The following DOK5 variants were observed in gnomAD, a reference collection of about 807,000 sequenced individuals.
The protein encoded by DOK5 is docking protein 5, also known as downstream of tyrosine kinase 5.
A neutral mutation model predicts 43.3 loss-of-function variants in DOK5; 27 were observed. That is an observed-to-expected ratio of 0.62 (90% confidence interval 0.46 to 0.86). The LOEUF (loss-of-function observed/expected upper bound fraction) is 0.86, where lower values mean the gene tolerates loss of function less well. Ranked by LOEUF, DOK5 falls within the 40% of genes least tolerant of loss-of-function variation. The pLI, the probability that DOK5 is intolerant of heterozygous loss-of-function variation, is 0.00. For synonymous variants in DOK5, 146 were observed against 140.1 expected (o/e 1.04, Z -0.30); for missense variants, 373 against 392.9 (o/e 0.95, Z 0.43).
chr20:54,607,937 T>C (rs1286938932), intron 5 of DOK5, among the ~76,000 whole-genome samples: 2 of 151,108 alleles, frequency 1.3e-5, no homozygotes, highest in African/African-American at 4.9e-5. Context: ...AAAGTGGGCA[T>C]TGGGTAAGAG....
chr20:54,493,740 A>G (rs1030560016), intron 1 of DOK5, among the ~76,000 whole-genome samples: 1 of 151,878 alleles, frequency 6.6e-6, no homozygotes, highest in Non-Finnish European at 1.5e-5. Context: ...AGATTGAGAC[A>G]AACCTGGGCA....
In DOK5 at chr20:54,643,520, C is replaced by T. The variant is rs766271156; in HGVS notation, c.798C>T (p.Ser266=). 22 of 1,613,458 alleles carry T rather than the reference C, an allele frequency of 1.4e-5. No homozygotes were observed. The highest frequency in any genetic ancestry group is 3.3e-5 in the South Asian group (3 of 91,092). The change falls in exon 7 of 8, where the codon AGC becomes AGT. Residue 266 remains serine, a synonymous_variant. Transcript: ENST00000262593. ...GCACCATGGTGCCCCTGCCTCGCAGCGCCTACTGGCAGCACATCACACGGC... is the reference window on the plus strand; with the variant it reads ...GCACCATGGTGCCCCTGCCTCGCAGTGCCTACTGGCAGCACATCACACGGC... ...SLSTMVPLPR[S]AYWQHITRQH... is the part of the protein sequence containing the mutation.
intron 5 of DOK5, among the ~76,000 whole-genome samples, chr20:54,607,894 AACAAAACAAAAC>A (rs112039121): frequency 0.34 from 51,552 of 151,126 alleles, 13,576 homozygotes; most frequent in African/African-American, 0.73. Flanking sequence ...AACAAAACAA[AACAAAACAAAAC>A]AAAACAAAAC....
In DOK5 at chr20:54,630,581, A is replaced by G. The variant is rs1298673016; in HGVS notation, c.736-12877A>G. Among the ~76,000 whole-genome samples, 4 of 152,194 alleles carry G rather than the reference A, an allele frequency of 2.6e-5. No individual in the cohort carries two copies. In the South Asian group the frequency reaches 8.3e-4, roughly 32 times the overall value. On this transcript the variant is annotated intron_variant, in intron 6 of 7. Transcript: ENST00000262593. ...AATTGTCAGGTTGTAGATAGATGGT[A>G]TTTAAACCCGCCTGAATGACAAGCT...
At chr20:54,517,380 G>T (rs1201734988) in intron 1 of DOK5, among the ~76,000 whole-genome samples, 2 of 152,094 alleles carry the variant, frequency 1.3e-5, no homozygotes, top group East Asian at 3.8e-4. Flanking sequence ...GGCAACATGG[G>T]ATAAAATTGT....
chr20:54,582,389 G>A (rs552613888), intron 2 of DOK5, among the ~76,000 whole-genome samples: 4 of 151,768 alleles, frequency 2.6e-5, no homozygotes, highest in South Asian at 2.1e-4. Context: ...ATTTGGAAGC[G>A]TTCCTTCCTC....
chr20:54,488,548 T>G (rs1176184943), intron 1 of DOK5, among the ~76,000 whole-genome samples: 1 of 152,202 alleles, frequency 6.6e-6, no homozygotes, highest in Non-Finnish European at 1.5e-5. Flanking sequence ...TACATTTTTT[T>G]CTTGTTTGTT....
At chr20:54,517,240 T>A (rs1983229009) in intron 1 of DOK5, among the ~76,000 whole-genome samples, 1 of 152,216 alleles carries the variant, frequency 6.6e-6, no homozygotes, top group Non-Finnish European at 1.5e-5. Flanking sequence ...CCTATTTGGG[T>A]TAGCTTAGCT....
At chr20:54,630,431 G>A (rs146048762) in intron 6 of DOK5, among the ~76,000 whole-genome samples, 39 of 152,182 alleles carry the variant, frequency 2.6e-4, no homozygotes, top group African/African-American at 9.2e-4. Context: ...TATGAGGAGC[G>A]ACAGTTCAGG....
At chr20:54,614,342 A>AGGGAGGGGAATGCGAGAGAGAGTGAG (rs1986740357) in intron 6 of DOK5, among the ~76,000 whole-genome samples, 1 of 152,152 alleles carries the variant, frequency 6.6e-6, no homozygotes, top group Admixed American at 6.5e-5. Context: ...AGAGAGACAG[A>AGGGAGGGGAATGCGAGAGAGAGTGAG]GGGAGGGGAA....
intron 1 of DOK5, among the ~76,000 whole-genome samples, chr20:54,510,889 C>T (rs1038616077): frequency 1.7e-4 from 26 of 152,092 alleles, no homozygotes; most frequent in African/African-American, 5.1e-4. Context: ...CAGAGGGCTC[C>T]GCAGGGCTGG....
At chr20:54,549,557 A>T (rs560103216) in intron 1 of DOK5, among the ~76,000 whole-genome samples, 1 of 152,198 alleles carries the variant, frequency 6.6e-6, no homozygotes, top group African/African-American at 2.4e-5. Context: ...AGTCCCCTAG[A>T]CTTAATACCG....
intron 1 of DOK5, among the ~76,000 whole-genome samples, chr20:54,551,174 G>A (rs1198054527): frequency 6.6e-6 from 1 of 152,126 alleles, no homozygotes; most frequent in Non-Finnish European, 1.5e-5. Context: ...GTTTTCATGT[G>A]CTTCTTGAAC....
intron 7 of DOK5, among the ~76,000 whole-genome samples, chr20:54,646,248 G>GT (rs386394048): frequency 0.055 from 4,371 of 79,838 alleles, 709 homozygotes; most frequent in Non-Finnish European, 0.065. Context: ...TGGTTATACT[G>GT]TTTTTTTTTT....
At chr20:54,560,710 T>C (rs1984873009) in intron 2 of DOK5, among the ~76,000 whole-genome samples, 2 of 152,178 alleles carry the variant, frequency 1.3e-5, no homozygotes, top group Non-Finnish European at 2.9e-5. Context: ...AACCTCTGTC[T>C]CCTGGGTCCA....
chr20:54,633,444 G>T (rs1440111291), intron 6 of DOK5, among the ~76,000 whole-genome samples: 2 of 152,178 alleles, frequency 1.3e-5, no homozygotes, highest in Admixed American at 1.3e-4. Context: ...CTTGGACTGA[G>T]ATGTCCCTTC....
At chr20:54,601,654 A>G (rs565138560) in intron 5 of DOK5, among the ~76,000 whole-genome samples, 1 of 152,346 alleles carries the variant, frequency 6.6e-6, no homozygotes, top group African/African-American at 2.4e-5. Context: ...TCTGGCTGTT[A>G]GGAAACCTGT....
chr20:54,611,767 T>C (rs745477451), intron 6 of DOK5, among the ~76,000 whole-genome samples: 69 of 152,168 alleles, frequency 4.5e-4, no homozygotes, highest in Admixed American at 7.2e-4. Flanking sequence ...TAGGGTAGTT[T>C]GAAACTTTAT....
intron 6 of DOK5, among the ~76,000 whole-genome samples, chr20:54,641,539 T>TATCATCATC (rs56910547): frequency 7.5e-4 from 97 of 128,868 alleles, no homozygotes; most frequent in East Asian, 3.7e-3. Context: ...AATTTCTAAT[T>TATCATCATC]ATCATCATCA....
Sources: allele counts gnomAD v4.1 joint callset (sites outside exome capture counted in the v4.1 genomes callset), GRCh38; gene constraint gnomAD v4.1.1; transcripts MANE v1.5; gene names NCBI Gene and HGNC (gene_info 2026-07-23, HGNC 2026-07-21).